Variants in UHRF1 observed in about 807,000 individuals in gnomAD.
UHRF1 encodes E3 ubiquitin-protein ligase UHRF1.
A neutral mutation model predicts 96.5 loss-of-function variants in UHRF1; 9 were observed. The observed-to-expected ratio is 0.09, with a 90% CI of 0.06 to 0.16. The LOEUF is 0.16. Ranked by LOEUF, UHRF1 falls within the 10% of genes least tolerant of loss-of-function variation. The pLI is 1.00. For synonymous variants in UHRF1, 455 were observed against 469.9 expected, an observed-to-expected ratio of 0.97 and a Z score of 0.41; for missense variants, 626 against 1,131.1, an observed-to-expected ratio of 0.55 and a Z score of 6.40.
intron 4 of UHRF1, among the ~76,000 whole-genome samples, chr19:4,931,838 G>T (rs1352989358): frequency 3.9e-5 from 6 of 151,940 alleles, no homozygotes; most frequent in Non-Finnish European, 7.4e-5. Flanking sequence ...TTGGCTCATT[G>T]CACCCTCCAT....
rs769524307 is a variant in UHRF1, at chr19:4,929,300, G to T, written c.232G>T (p.Val78Leu). 8 of 1,613,816 alleles carry T rather than the reference G, an allele frequency of 5.0e-6. No homozygotes were observed. Among genetic ancestry groups the T allele is most frequent in the Non-Finnish European group, 6.8e-6 (8 of 1,179,888 alleles). ...TIQLLVRQSL[V>L]LPHSTKERDS... ...CCAGCTCCTGGTCCGCCAGAGCCTC[G>T]TGCTCCCCCACAGCACCAAGGAGCG... Residue 78 changes from valine (V) to leucine (L), a missense_variant, in exon 3 of 17, where the codon GTG (valine) becomes TTG (leucine). Transcript: ENST00000650932.
intron 2 of UHRF1, among the ~76,000 whole-genome samples, chr19:4,913,629 G>A (rs1178599835): frequency 6.6e-6 from 1 of 151,966 alleles, no homozygotes; most frequent in Non-Finnish European, 1.5e-5. Flanking sequence ...GAACTCACCC[G>A]GACTGAACAG....
At chr19:4,938,135 CAG>C (rs1366374375) in intron 5 of UHRF1, among the ~76,000 whole-genome samples, 3 of 151,530 alleles carry the variant, frequency 2.0e-5, no homozygotes, top group Non-Finnish European at 4.4e-5. Flanking sequence ...GCCTGGATGA[CAG>C]AGCAAGATTC....
At chr19:4,919,554 C>T (rs529601200) in intron 2 of UHRF1, among the ~76,000 whole-genome samples, 4 of 151,936 alleles carry the variant, frequency 2.6e-5, no homozygotes, top group African/African-American at 4.8e-5. Flanking sequence ...CACCCGCCTC[C>T]GCCTCCCAAA....
intron 1 of UHRF1, 103 bp from the exon 2 acceptor site, chr19:4,910,773 G>A: frequency 7.3e-7 from 1 of 1,375,986 alleles, no homozygotes; most frequent in Non-Finnish European, 9.7e-7. Context: ...GGAGTTTCCT[G>A]GTGTCCACAG....
Position 4,911,027 on chromosome 19 carries a change from A to C in UHRF1, c.142A>C (p.Arg48=). ...GCCAGGCCTGCAGAGGCTGTTCTAC[A>C]GGGGCAAACAGGTACACCCGCCGCC... ...VEPGLQRLFY[R]GKQMEDGHTL... is the part of the protein sequence containing the mutation. Residue 48 remains arginine, a synonymous_variant, in exon 2 of 17, where the codon AGG becomes CGG. Transcript: ENST00000650932. 1 of 1,598,746 alleles carries C rather than the reference A, an allele frequency of 6.3e-7. No individual in the cohort carries two copies. The highest frequency in any genetic ancestry group is 8.5e-7 in the Non-Finnish European group (1 of 1,171,014).
chr19:4,904,186 T>G (rs2032012854), intron 1 of UHRF1, among the ~76,000 whole-genome samples: 1 of 139,906 alleles, frequency 7.1e-6, no homozygotes, highest in African/African-American at 2.8e-5. Context: ...TTTGTTTTTG[T>G]TTTTTTTTTG....
chr19:4,961,412 G>C lies in UHRF1; in HGVS notation c.*609G>C, dbSNP rs2056193563. The C allele has an allele frequency of 1.3e-5, 2 of 151,050 alleles. No individual in the cohort carries two copies. Among genetic ancestry groups the C allele is most frequent in the South Asian group, 2.1e-4 (1 of 4,760 alleles). The allele number at this position is 151,050 out of a possible 1,614,324, so 9.4% of individuals were successfully genotyped here. ...TCCCCCACCAGACTGCTTAGCGTCT[G>C]AGATCCGCGTGAAAAGTCCTCTGCC... On this transcript the variant is annotated 3_prime_UTR_variant, in exon 17 of 17. Transcript: ENST00000650932.
rs530711730 is a variant in UHRF1, at chr19:4,960,763, T to G, written c.2342T>G (p.Val781Gly). 1 of 1,574,872 alleles carries G rather than the reference T, an allele frequency of 6.3e-7. No homozygotes were observed. The highest frequency in any genetic ancestry group is 1.4e-5 in the African/African-American group (1 of 73,318). Reference sequence around the variant, plus strand: ...CAGGTGAACCAGCCTCTGCAGACCGTCCTCAACCAGCTCTTCCCCGGCTAC... The same window carrying G: ...CAGGTGAACCAGCCTCTGCAGACCGGCCTCAACCAGCTCTTCCCCGGCTAC... Reference protein sequence around the residue: ...AMQVNQPLQTVLNQLFPGYGN... With the variant: ...AMQVNQPLQTGLNQLFPGYGN... Residue 781 changes from valine (V) to glycine (G), a missense_variant, in exon 17 of 17, where the codon GTC becomes GGC. Physicochemically the swap from Val to Gly is moderately radical, Grantham distance 109. Coordinates refer to ENST00000650932, the MANE Select transcript of UHRF1 (RefSeq NM_001048201.3).
At chr19:4,923,051 AG>A (rs1258636706) in intron 2 of UHRF1, among the ~76,000 whole-genome samples, 1 of 151,894 alleles carries the variant, frequency 6.6e-6, no homozygotes, top group Non-Finnish European at 1.5e-5. Flanking sequence ...CCTGCGGGTC[AG>A]GGGCTGCCCA....
intron 2 of UHRF1, among the ~76,000 whole-genome samples, chr19:4,923,679 G>A (rs576593816): frequency 6.6e-6 from 1 of 152,184 alleles, no homozygotes; most frequent in African/African-American, 2.4e-5. Context: ...TGCTCACTGC[G>A]GGTGATTCCA....
chr19:4,951,137 G>A, intron 13 of UHRF1, 141 bp downstream of exon 13: 2 of 1,201,610 alleles, frequency 1.7e-6, no homozygotes, highest in Non-Finnish European at 2.2e-6. Flanking sequence ...ATGGTGGCGG[G>A]TGCCTGTAAT....
intron 2 of UHRF1, among the ~76,000 whole-genome samples, chr19:4,924,801 C>G (rs2032815375): frequency 6.6e-6 from 1 of 151,354 alleles, no homozygotes. Flanking sequence ...AGTCTACATA[C>G]ACCAAGGCTT....
At chr19:4,937,619 C>T (rs191226908) in intron 5 of UHRF1, among the ~76,000 whole-genome samples, 2 of 152,112 alleles carry the variant, frequency 1.3e-5, no homozygotes, top group Admixed American at 1.3e-4. Flanking sequence ...CCGCCTTGGC[C>T]TCCCAAAGTG....
chr19:4,926,086 A>G (rs74389692), intron 2 of UHRF1, among the ~76,000 whole-genome samples: 1 of 150,306 alleles, frequency 6.7e-6, no homozygotes, highest in African/African-American at 2.4e-5. Context: ...TAGTAGAGAC[A>G]GGTTTCACCA....
chr19:4,908,595 C>T (rs145050978), upstream of UHRF1, among the ~76,000 whole-genome samples: 131 of 152,252 alleles, frequency 8.6e-4, no homozygotes, highest in African/African-American at 3.0e-3. Flanking sequence ...GTCTCATCTC[C>T]GATTCCAGCT....
At chr19:4,935,522 T>G (rs889687081) in intron 5 of UHRF1, among the ~76,000 whole-genome samples, 47 of 152,188 alleles carry the variant, frequency 3.1e-4, no homozygotes, top group Non-Finnish European at 4.4e-4. Context: ...TCCACTACTT[T>G]GCGGTTGAAG....
chr19:4,925,172 C>A (rs2032828700), intron 2 of UHRF1, among the ~76,000 whole-genome samples: 2 of 152,102 alleles, frequency 1.3e-5, no homozygotes, highest in African/African-American at 4.8e-5. Context: ...CTGCAGTTCA[C>A]CCAGTTAAAG....
At chr19:4,951,844 C>T (rs1001174873) in intron 13 of UHRF1, among the ~76,000 whole-genome samples, 6 of 152,090 alleles carry the variant, frequency 3.9e-5, no homozygotes, top group Admixed American at 2.0e-4. Flanking sequence ...ACTCAACAAG[C>T]GGCGCAGCAT....
Sources: gnomAD v4.1 joint callset for allele counts (sites outside exome capture counted in the v4.1 genomes callset) on GRCh38, gnomAD v4.1.1 for gene constraint, MANE v1.5 for transcripts, NCBI Gene and HGNC (gene_info 2026-07-23, HGNC 2026-07-21) for gene names.